TNRC18: variants seen among roughly 807,000 people sequenced by gnomAD.
TNRC18 encodes trinucleotide repeat containing 18.
A neutral mutation model predicts 226.7 loss-of-function variants in TNRC18; 69 were observed. The ratio of observed to expected loss-of-function variants is 0.30; its 90% confidence interval spans 0.25 to 0.37. TNRC18 has a LOEUF of 0.37. Among genes scored for constraint, TNRC18 ranks in the 10% least tolerant of loss-of-function variants. TNRC18 has a pLI of 1.00. For synonymous variants in TNRC18, 2,449 were observed against 1,927.6 expected (o/e 1.27, Z -7.09); for missense variants, 4,754 against 4,256.6 (o/e 1.12, Z -3.25).
At chr7:5,402,180 A>T in intron 2 of TNRC18, among the ~76,000 whole-genome samples, 1 of 74,234 alleles carries the variant, frequency 1.3e-5, no homozygotes, top group South Asian at 4.8e-4. Flanking sequence ...CTCTGTCTCA[A>T]AAAAAAAAAA....
intron 19 of TNRC18, among the ~76,000 whole-genome samples, chr7:5,329,262 C>A (rs1789258995): frequency 6.6e-6 from 1 of 151,172 alleles, no homozygotes; most frequent in South Asian, 2.1e-4. Context: ...AAGATCTCAC[C>A]ACTGTACTCC....
rs1263196249 is a variant in TNRC18 at position 5,423,703 on chromosome 7, C to G, written c.-506G>C. On this transcript the variant is annotated 5_prime_UTR_variant, in exon 1 of 30. Transcript: ENST00000430969. Reference sequence around the variant, plus strand: ...AGCCCCCGGAAAAGCCAGCTTTCCTCCCGCCGAGCTCCCCGCTTTTTAATA... The same window carrying G: ...AGCCCCCGGAAAAGCCAGCTTTCCTGCCGCCGAGCTCCCCGCTTTTTAATA... Among the ~76,000 whole-genome samples, 1 of 152,058 alleles carries G rather than the reference C, an allele frequency of 6.6e-6. No individual in the cohort carries two copies. Among genetic ancestry groups the G allele is most frequent in the African/African-American group, 2.4e-5 (1 of 41,418 alleles).
chr7:5,422,683 G>C (rs961845714), intron 1 of TNRC18: 17 of 152,176 alleles, frequency 1.1e-4, no homozygotes, highest in African/African-American at 3.4e-4. Context: ...AAAACCCCTA[G>C]CCAAACCCGC....
rs762344392 is a variant in TNRC18, at chr7:5,421,115, G to C, written c.132C>G (p.Pro44=). The C allele has an allele frequency of 2.0e-6, 3 of 1,467,210 alleles. No homozygotes were observed. The highest frequency in any genetic ancestry group is 2.7e-6 in the Non-Finnish European group (3 of 1,101,552). The allele number at this position is 1,467,210 out of a possible 1,614,324, so 90.9% of individuals were successfully genotyped here. A position where few individuals can be genotyped will look rare whatever the true frequency, so the allele number is the denominator to read the frequency against. The change falls in exon 2 of 30, where the codon CCC becomes CCG. Residue 44 remains proline (P), a synonymous_variant. Coordinates refer to ENST00000430969, the MANE Select transcript of TNRC18 (RefSeq NM_001080495.3). ...TAGRLPASGL[P]GPLPPGKYMA... Reference sequence around the variant, plus strand: ...TGTACTTCCCGGGCGGCAGCGGGCCGGGCAAGCCCGAGGCGGGCAAGCGTC... The same window carrying C: ...TGTACTTCCCGGGCGGCAGCGGGCCCGGCAAGCCCGAGGCGGGCAAGCGTC...
At position 5,307,835 on chromosome 7, in the gene TNRC18, C is replaced by G. The variant is rs1266301949; in HGVS notation, c.*271G>C. ...CTTGCAACGTGCTGGGCAGGAAGGG[C>G]CGGTCCGGCCATACCCTGATAGCTA... On this transcript the variant is annotated 3_prime_UTR_variant, in exon 30 of 30. Coordinates refer to ENST00000430969, the MANE Select transcript of TNRC18 (RefSeq NM_001080495.3). The G allele has an allele frequency of 2.1e-5, 11 of 511,834 alleles. No individual in the cohort carries two copies. Among genetic ancestry groups the G allele is most frequent in the Non-Finnish European group, 3.2e-5 (9 of 280,528 alleles). 31.7% of individuals were successfully genotyped at this position (511,834 alleles called of 1,614,324 possible).
Position 5,370,604 on chromosome 7 carries a change from C to T in TNRC18, c.3990G>A (p.Gln1330=), listed in dbSNP as rs543843677. Reference sequence around the variant, plus strand: ...GTGGGTCCTCCAGACTGGGCAGGAACTGGTCAGAGCTTGCCTCTTCCAGGA... The same window carrying T: ...GTGGGTCCTCCAGACTGGGCAGGAATTGGTCAGAGCTTGCCTCTTCCAGGA... ...TCFLEEASSD[Q]FLPSLEDPLA... The change falls in exon 11 of 30, where the codon CAG becomes CAA. Residue 1330 remains glutamine, a synonymous_variant. Transcript: ENST00000430969. 1.2e-6 allele frequency: 2 copies of T among 1,613,388 alleles called. No individual in the cohort carries two copies. The highest frequency in any genetic ancestry group is 2.2e-5 in the East Asian group (1 of 44,876).
rs1312327008 is a variant in TNRC18 at position 5,345,605 on chromosome 7, G to A, written c.5676C>T (p.Ala1892=). ...GPSLSVVQLE[A]KQKARKKEER... ...CCTCTTTCTTCCGGGCCTTCTGCTTGGCCTCCAGCTGTACCACAGACAGGG... is the reference window on the plus strand; with the variant it reads ...CCTCTTTCTTCCGGGCCTTCTGCTTAGCCTCCAGCTGTACCACAGACAGGG... Residue 1892 remains alanine (A), a synonymous_variant, in exon 18 of 30, where the codon GCC becomes GCT. Transcript: ENST00000430969. 3 of 1,552,060 alleles carry A rather than the reference G, an allele frequency of 1.9e-6. No homozygotes were observed. Among genetic ancestry groups the A allele is most frequent in the South Asian group, 2.4e-5 (2 of 84,166 alleles).
At chr7:5,422,970 T>G (rs943874863) in intron 1 of TNRC18, 5 of 152,234 alleles carry the variant, frequency 3.3e-5, no homozygotes, top group African/African-American at 1.2e-4. Flanking sequence ...TTTGGGGAAG[T>G]CGGGGTGAAG....
chr7:5,383,776 G>C (rs1004944247), intron 5 of TNRC18, among the ~76,000 whole-genome samples: 1 of 151,768 alleles, frequency 6.6e-6, no homozygotes, highest in African/African-American at 2.4e-5. Context: ...TTTAAGGAGA[G>C]AAAGAATCCA....
chr7:5,368,957 C>A (rs1793895525), intron 11 of TNRC18, among the ~76,000 whole-genome samples: 1 of 152,078 alleles, frequency 6.6e-6, no homozygotes, highest in Admixed American at 6.6e-5. Flanking sequence ...ACTACCCTCC[C>A]CCTTCCCTAC....
At chr7:5,331,461 T>TA (rs945543114) in intron 19 of TNRC18, among the ~76,000 whole-genome samples, 16 of 148,822 alleles carry the variant, frequency 1.1e-4, no homozygotes, top group South Asian at 4.3e-4. Context: ...TTTTAACCTC[T>TA]AAAAAAAAAA....
Position 5,378,424 on chromosome 7 carries a change from A to AT in TNRC18, c.2153-401dup, listed in dbSNP as rs904107054. On this transcript the variant is annotated intron_variant, in intron 5 of 29. Transcript: ENST00000430969. ...TATTTTATTTTATTTTTATTTATTT[A>AT]TTTTTTTTTTTTGAGATGGAGTCTC... Among the ~76,000 whole-genome samples, 118 of 145,206 alleles carry AT rather than the reference A, an allele frequency of 8.1e-4. 1 individual carries two copies. Among genetic ancestry groups the AT allele is most frequent in the South Asian group, 1.5e-3 (7 of 4,572 alleles).
In TNRC18 at chr7:5,361,633, G is replaced by T. The variant is rs555828083; in HGVS notation, c.4622C>A (p.Pro1541His). 1 of 1,548,332 alleles carries T rather than the reference G, an allele frequency of 6.5e-7. No homozygotes were observed. The highest frequency in any genetic ancestry group is 8.7e-7 in the Non-Finnish European group (1 of 1,148,080). ...KRTHAPSALS[P>H]PRKRGKSGHS... ...GCCGCTCTTCCCTCTCTTGCGGGGG[G>T]GCGACAGGGCGCTCGGGGCGTGGGT... Residue 1541 changes from proline to histidine, a missense_variant, in exon 14 of 30, where the codon CCC becomes CAC. Pro to His is a moderately conservative substitution (Grantham distance 77). Transcript: ENST00000430969.
chr7:5,315,016 C>T lies in TNRC18; in HGVS notation c.6995G>A (p.Arg2332His), dbSNP rs766429445. 20 of 1,607,802 alleles carry T rather than the reference C, an allele frequency of 1.2e-5. No individual in the cohort carries two copies. Among genetic ancestry groups the T allele is most frequent in the African/African-American group, 9.4e-5 (7 of 74,758 alleles). Reference sequence around the variant, plus strand: ...GGCCTTGGCGCTGGGTTTCCGCCCACGCCCACGGGCCTTGGCTCCTGGCTC... The same window carrying T: ...GGCCTTGGCGCTGGGTTTCCGCCCATGCCCACGGGCCTTGGCTCCTGGCTC... Reference protein sequence around the residue: ...SEEPGAKARGRGRKPSAKAKG... With the variant: ...SEEPGAKARGHGRKPSAKAKG... The change falls in exon 26 of 30, where the codon CGT (arginine) becomes CAT (histidine). Residue 2332 changes from arginine (R) to histidine (H), a missense_variant. Coordinates refer to ENST00000430969, the MANE Select transcript of TNRC18 (RefSeq NM_001080495.3).
At chr7:5,318,024 A>G (rs1313550511) in intron 24 of TNRC18, among the ~76,000 whole-genome samples, 2 of 152,022 alleles carry the variant, frequency 1.3e-5, no homozygotes, top group Non-Finnish European at 2.9e-5. Context: ...GGCACCCGCC[A>G]CCACGCCCAG....
intron 2 of TNRC18, among the ~76,000 whole-genome samples, chr7:5,400,149 G>A (rs1458891162): frequency 6.6e-6 from 1 of 151,886 alleles, no homozygotes; most frequent in East Asian, 1.9e-4. Context: ...CTCCCACCTC[G>A]GCCTCCCAAA....
chr7:5,385,348 C>A (rs572091731), intron 5 of TNRC18, among the ~76,000 whole-genome samples: 102 of 151,996 alleles, frequency 6.7e-4, no homozygotes, highest in South Asian at 1.5e-3. Context: ...ATTAGCCGGG[C>A]GCGGTGGCGG....
Position 5,313,616 on chromosome 7 carries a change from T to C in TNRC18, c.7275A>G (p.Ala2425=), listed in dbSNP as rs773499409. 42 of 1,601,534 alleles carry C rather than the reference T, an allele frequency of 2.6e-5. 1 individual carries two copies. The South Asian group carries it at 4.2e-4, about 16-fold the overall frequency. ...LPAPATSLAP[A]PLITMPATRP... is the part of the protein sequence containing the mutation. ...GTGTGGCAGGCATGGTGATGAGGGG[T>C]GCTGGGGCCAGGGAGGTGGCAGGAG... The change falls in exon 27 of 30, where the codon GCA becomes GCG. Residue 2425 remains alanine (A), a synonymous_variant. Transcript: ENST00000430969.
At position 5,354,636 on chromosome 7, in the gene TNRC18, C is replaced by T. The variant is rs1441827212; in HGVS notation, c.5194+2280G>A. Among the ~76,000 whole-genome samples the T allele has an allele frequency of 1.3e-5, 2 of 152,084 alleles. 1 individual carries two copies. Among genetic ancestry groups the T allele is most frequent in the East Asian group, 3.9e-4 (2 of 5,188 alleles). ...CCCAATCAAAGAAGCACTGAAACCACGACACTCTCATATGTCCTCAGCACA... is the reference window on the plus strand; with the variant it reads ...CCCAATCAAAGAAGCACTGAAACCATGACACTCTCATATGTCCTCAGCACA... On this transcript the variant is annotated intron_variant, in intron 16 of 29. Transcript: ENST00000430969.
Sources: gnomAD v4.1 joint callset for allele counts (sites outside exome capture counted in the v4.1 genomes callset) on GRCh38, gnomAD v4.1.1 for gene constraint, MANE v1.5 for transcripts, NCBI Gene and HGNC (gene_info 2026-07-23, HGNC 2026-07-21) for gene names.